The following CAMKMT variants were observed in gnomAD, a reference collection of about 807,000 sequenced individuals.
CAMKMT encodes CaM KMT.
CAMKMT carries 53 observed loss-of-function variants against 48.0 expected under a neutral mutation model. The ratio of observed to expected loss-of-function variants is 1.10; its 90% CI spans 0.89 to 1.39. The LOEUF is 1.39. Among genes scored for constraint, CAMKMT ranks in the 40% most tolerant of loss-of-function variants. CAMKMT has a pLI of 0.00. For synonymous variants in CAMKMT, 165 were observed against 152.3 expected (o/e 1.08, Z -0.61); for missense variants, 428 against 402.7 (o/e 1.06, Z -0.54).
intron 3 of CAMKMT, among the ~76,000 whole-genome samples, chr2:44,615,481 G>C (rs547939368): frequency 6.6e-6 from 1 of 152,228 alleles, no homozygotes; most frequent in South Asian, 2.1e-4. Flanking sequence ...TGACTGCTTG[G>C]ATATGGTAAC....
At chr2:44,671,049 T>G (rs1217744381) in intron 3 of CAMKMT, among the ~76,000 whole-genome samples, 1 of 152,190 alleles carries the variant, frequency 6.6e-6, no homozygotes, top group African/African-American at 2.4e-5. Flanking sequence ...AATGCTGCCT[T>G]TTTGTTCAAA....
At chr2:44,559,472 C>T (rs1446646205) in intron 3 of CAMKMT, among the ~76,000 whole-genome samples, 1 of 152,186 alleles carries the variant, frequency 6.6e-6, no homozygotes, top group Non-Finnish European at 1.5e-5. Context: ...GACAGTCCTT[C>T]AAGTATTTCA....
At chr2:44,707,505 C>T in intron 6 of CAMKMT, 43 bp downstream of exon 6, 1 of 1,539,536 alleles carries the variant, frequency 6.5e-7, no homozygotes, top group Non-Finnish European at 8.9e-7. Context: ...GTGCTCATTC[C>T]TTTTTCCTGG....
intron 2 of CAMKMT, among the ~76,000 whole-genome samples, chr2:44,389,585 C>T (rs1681120487): frequency 6.6e-6 from 1 of 151,938 alleles, no homozygotes; most frequent in African/African-American, 2.4e-5. Context: ...GAAACTCAAA[C>T]TCTATGACCT....
intron 7 of CAMKMT, among the ~76,000 whole-genome samples, chr2:44,722,176 CTTTTTTTTTT>C (rs11323950): frequency 1.7e-5 from 2 of 115,466 alleles, no homozygotes; most frequent in South Asian, 2.8e-4. Context: ...TTTCTTTTTT[CTTTTTTTTTT>C]TTTTTTTCTA....
intron 3 of CAMKMT, among the ~76,000 whole-genome samples, chr2:44,655,609 G>A (rs1405075517): frequency 1.3e-5 from 2 of 152,060 alleles, no homozygotes; most frequent in African/African-American, 4.8e-5. Flanking sequence ...TTATCTATAC[G>A]CAAATGAGAA....
At chr2:44,659,039 G>A (rs934420535) in intron 3 of CAMKMT, among the ~76,000 whole-genome samples, 3 of 126,632 alleles carry the variant, frequency 2.4e-5, no homozygotes, top group African/African-American at 9.2e-5. Context: ...TGATCCTGTG[G>A]TTTTTATTAT....
chr2:44,602,666 C>T (rs928013275), intron 3 of CAMKMT, among the ~76,000 whole-genome samples: 3 of 151,966 alleles, frequency 2.0e-5, no homozygotes, highest in Admixed American at 2.0e-4. Context: ...GGGAAGCAAG[C>T]ACGTCTTACT....
At position 44,689,488 on chromosome 2, in the gene CAMKMT, C is replaced by T. The variant is rs565260031; in HGVS notation, c.377-14795C>T. ...CATCAGAATGATGGCCTGTTCATCC[C>T]ACCCTGAGGACACTCAAGCACAGCA... On this transcript the variant is annotated intron_variant, in intron 3 of 10. Transcript: ENST00000378494. 5.8e-4 allele frequency among the ~76,000 whole-genome samples: 88 copies of T among 152,090 alleles called. 1 individual carries two copies. The highest frequency in any genetic ancestry group is 1.5e-3 in the Admixed American group (23 of 15,272).
At chr2:44,529,511 A>G (rs1007447396) in intron 3 of CAMKMT, among the ~76,000 whole-genome samples, 6 of 152,184 alleles carry the variant, frequency 3.9e-5, no homozygotes, top group African/African-American at 7.2e-5. Flanking sequence ...ACAGTCTATG[A>G]TACTCTAAGG....
At chr2:44,606,812 C>T (rs1472593648) in intron 3 of CAMKMT, among the ~76,000 whole-genome samples, 1 of 150,766 alleles carries the variant, frequency 6.6e-6, no homozygotes, top group Non-Finnish European at 1.5e-5. Flanking sequence ...AATGTGACCC[C>T]CCCCCCACCA....
At chr2:44,490,084 T>C (rs1055230255) in intron 3 of CAMKMT, among the ~76,000 whole-genome samples, 1 of 152,084 alleles carries the variant, frequency 6.6e-6, no homozygotes, top group Non-Finnish European at 1.5e-5. Flanking sequence ...CCAGTTATAG[T>C]ATTATATATA....
At chr2:44,700,856 A>C in intron 3 of CAMKMT, among the ~76,000 whole-genome samples, 1 of 152,330 alleles carries the variant, frequency 6.6e-6, no homozygotes, top group South Asian at 2.1e-4. Context: ...ACAAACCTTC[A>C]ATTTGTAAAA....
In CAMKMT at chr2:44,601,693, A is replaced by T. The variant is rs867455329; in HGVS notation, c.377-102590A>T. On this transcript the variant is annotated intron_variant, in intron 3 of 10. Coordinates refer to ENST00000378494, the MANE Select transcript of CAMKMT (RefSeq NM_024766.5). The stretch of plus-strand genomic sequence containing the variant: ...TTCTCTAAATTCCATTCATTATTTT[A>T]TTTTTTTCTTGCTCTAAGACATTGA... Among the ~76,000 whole-genome samples the T allele has an allele frequency of 4.0e-5, 6 of 151,746 alleles. No individual in the cohort carries two copies. In the South Asian group the frequency reaches 1.2e-3, roughly 32 times the overall value.
intron 3 of CAMKMT, among the ~76,000 whole-genome samples, chr2:44,675,479 CCTT>C (rs1490271597): frequency 1.3e-5 from 2 of 152,094 alleles, no homozygotes; most frequent in African/African-American, 4.8e-5. Context: ...TCCCTGTTCT[CCTT>C]CTTTCTTTTC....
chr2:44,544,564 G>T (rs1283139476), intron 3 of CAMKMT, among the ~76,000 whole-genome samples: 1 of 152,194 alleles, frequency 6.6e-6, no homozygotes, highest in African/African-American at 2.4e-5. Context: ...TGCTGCTGTA[G>T]CTAGGCTTTC....
At chr2:44,402,740 G>GTTTTTTTTTTTTTTTTTTTTTTT in intron 3 of CAMKMT, among the ~76,000 whole-genome samples, 2 of 94,100 alleles carry the variant, frequency 2.1e-5, no homozygotes, top group African/African-American at 4.1e-5. Context: ...TTGTTTTGCT[G>GTTTTTTTTTTTTTTTTTTTTTTT]TTTTTTTTTT....
At chr2:44,513,628 G>T (rs559449127) in intron 3 of CAMKMT, among the ~76,000 whole-genome samples, 1 of 152,098 alleles carries the variant, frequency 6.6e-6, no homozygotes, top group African/African-American at 2.4e-5. Flanking sequence ...TTCCAAATGC[G>T]CCTTCTTCTA....
At chr2:44,636,863 C>T (rs1280089425) in intron 3 of CAMKMT, among the ~76,000 whole-genome samples, 1 of 152,148 alleles carries the variant, frequency 6.6e-6, no homozygotes, top group Non-Finnish European at 1.5e-5. Context: ...TGTCTAAATA[C>T]TGTAATTGCT....
Sources: gnomAD v4.1 joint callset for allele counts (sites outside exome capture counted in the v4.1 genomes callset) on GRCh38, gnomAD v4.1.1 for gene constraint, MANE v1.5 for transcripts, NCBI Gene and HGNC (gene_info 2026-07-23, HGNC 2026-07-21) for gene names.